Variants in SOX6 observed in about 807,000 individuals in gnomAD.
The protein encoded by SOX6 is SRY-box transcription factor 6.
In SOX6, 11 loss-of-function variants were observed where a neutral mutation model predicts 97.8. That is an observed-to-expected ratio of 0.11 (90% confidence interval 0.07 to 0.19). The LOEUF (loss-of-function observed/expected upper bound fraction) is 0.19. SOX6 is among the 10% of genes least tolerant of loss of function. The probability of loss-of-function intolerance (pLI) is 1.00; values close to 1 mark genes in which losing one functional copy is unlikely to be tolerated. For missense variants in SOX6, 810 were observed against 1,039.5 expected, an observed-to-expected ratio of 0.78 and a Z score of 3.04; for synonymous variants, 360 against 371.4, an observed-to-expected ratio of 0.97 and a Z score of 0.35.
intron 4 of SOX6, among the ~76,000 whole-genome samples, chr11:16,601,617 T>C (rs1012708104): frequency 3.3e-5 from 5 of 152,122 alleles, no homozygotes; most frequent in African/African-American, 1.2e-4. Context: ...ATATTAAAAG[T>C]AGGTGTTAAA....
intron 6 of SOX6, among the ~76,000 whole-genome samples, chr11:16,128,029 G>A (rs1372091283): frequency 6.6e-6 from 1 of 152,184 alleles, no homozygotes; most frequent in African/African-American, 2.4e-5. Flanking sequence ...GCTAGTTAAA[G>A]ATGTGGTGCT....
At chr11:16,189,906 G>A (rs1414782828) in intron 4 of SOX6, among the ~76,000 whole-genome samples, 1 of 152,022 alleles carries the variant, frequency 6.6e-6, no homozygotes, top group Non-Finnish European at 1.5e-5. Context: ...CAATACCAGA[G>A]TTGGATCTAG....
intron 13 of SOX6, among the ~76,000 whole-genome samples, chr11:15,999,137 C>T (rs547482575): frequency 6.6e-6 from 1 of 152,058 alleles, no homozygotes; most frequent in South Asian, 2.1e-4. Flanking sequence ...GGCCAATAAG[C>T]AGATGAAAAG....
At chr11:15,991,289 T>G (rs1854045671) in intron 13 of SOX6, among the ~76,000 whole-genome samples, 1 of 152,148 alleles carries the variant, frequency 6.6e-6, no homozygotes, top group Non-Finnish European at 1.5e-5. Context: ...TTTATATGGG[T>G]TTGACAGCCA....
chr11:16,539,479 C>T (rs1314244301), intron 4 of SOX6, among the ~76,000 whole-genome samples: 3 of 151,926 alleles, frequency 2.0e-5, no homozygotes, highest in Admixed American at 2.0e-4. Flanking sequence ...CGGAGCAGAA[C>T]TGAAGGAGAT....
chr11:16,624,690 C>T (rs74450456), intron 3 of SOX6, among the ~76,000 whole-genome samples: 1,706 of 152,272 alleles, frequency 0.011, 23 homozygotes, highest in African/African-American at 0.039. Context: ...TTTAACTTTA[C>T]AAGTTGCCAA....
chr11:16,368,701 G>T (rs1857424605), intron 1 of SOX6, among the ~76,000 whole-genome samples: 2 of 151,836 alleles, frequency 1.3e-5, no homozygotes, highest in Non-Finnish European at 2.9e-5. Context: ...TCTTAAATAT[G>T]ACACAAGCAA....
intron 3 of SOX6, among the ~76,000 whole-genome samples, chr11:16,246,740 A>AT (rs1286275250): frequency 1.3e-5 from 2 of 151,988 alleles, no homozygotes; most frequent in Non-Finnish European, 2.9e-5. Flanking sequence ...AAGGGATTAT[A>AT]TTTTTTAACA....
intron 6 of SOX6, among the ~76,000 whole-genome samples, chr11:16,180,597 A>G (rs1447846049): frequency 6.6e-6 from 1 of 151,778 alleles, no homozygotes; most frequent in Non-Finnish European, 1.5e-5. Context: ...GAATTTACAA[A>G]GCAAACATTC....
chr11:16,710,049 T>C (rs563221960), intron 3 of SOX6, among the ~76,000 whole-genome samples: 3 of 152,336 alleles, frequency 2.0e-5, no homozygotes, highest in South Asian at 2.1e-4. Flanking sequence ...TCAAATGCTA[T>C]ATTTTTCTGT....
In SOX6 at chr11:16,341,210, T is replaced by G; in HGVS notation, c.39A>C (p.Ala13=). ...GGGTCATTGCATCCTCTCCATCAGC[T>G]GCACAGGCAAATGGAGAGGTGGCTT... is the stretch of plus-strand genomic sequence containing the variant. ...SKQATSPFAC[A]ADGEDAMTQD... is the part of the protein sequence containing the mutation. Residue 13 remains alanine (A), a synonymous_variant, in exon 2 of 16, where the codon GCA becomes GCC. Transcript: ENST00000683767. 6.2e-7 allele frequency: 1 copy of G among 1,613,364 alleles called. No homozygotes were observed. The highest frequency in any genetic ancestry group is 8.5e-7 in the Non-Finnish European group (1 of 1,179,578).
At position 15,971,752 on chromosome 11, in the gene SOX6, G is replaced by C. The variant is rs1048812131; in HGVS notation, c.*1057C>G. 2 of 152,556 alleles carry C rather than the reference G, an allele frequency of 1.3e-5. No individual in the cohort carries two copies. Among genetic ancestry groups the C allele is most frequent in the Non-Finnish European group, 2.9e-5 (2 of 68,026 alleles). The allele number at this position is 152,556 out of a possible 1,614,324, so 9.5% of individuals were successfully genotyped here. ...GTACACAGGAGAAGGAGGTGAAAAG[G>C]ACGGAAAAGTTCTTCGGGGAAGGAA... On this transcript the variant is annotated 3_prime_UTR_variant, in exon 16 of 16. Coordinates refer to ENST00000683767, the MANE Select transcript of SOX6 (RefSeq NM_001367873.1).
chr11:16,337,549 T>G (rs192204204), intron 2 of SOX6, among the ~76,000 whole-genome samples: 10 of 152,262 alleles, frequency 6.6e-5, no homozygotes, highest in Non-Finnish European at 1.0e-4. Context: ...CACATTTTAG[T>G]GGACAGTGTC....
intron 4 of SOX6, among the ~76,000 whole-genome samples, chr11:16,514,124 G>C (rs993543949): frequency 1.3e-5 from 2 of 150,618 alleles, no homozygotes; most frequent in Non-Finnish European, 2.9e-5. Flanking sequence ...GCTGAGGTGA[G>C]AGAATCGCTT....
intron 1 of SOX6, among the ~76,000 whole-genome samples, chr11:16,406,291 T>A (rs1321989500): frequency 1.3e-5 from 2 of 152,076 alleles, no homozygotes; most frequent in Non-Finnish European, 2.9e-5. Flanking sequence ...TTATTTGAGG[T>A]TGTATCAACT....
At chr11:16,541,719 A>G (rs1018448640) in intron 4 of SOX6, among the ~76,000 whole-genome samples, 54 of 152,256 alleles carry the variant, frequency 3.5e-4, no homozygotes, top group African/African-American at 1.3e-3. Flanking sequence ...AAAAATGCTC[A>G]TCATCACTGG....
chr11:16,469,585 T>C (rs1198205484), intron 1 of SOX6, among the ~76,000 whole-genome samples: 1 of 152,160 alleles, frequency 6.6e-6, no homozygotes, highest in East Asian at 1.9e-4. Context: ...TCACTGTTTA[T>C]TCCATTAAGG....
chr11:16,414,732 T>G (rs1304619561), intron 1 of SOX6, among the ~76,000 whole-genome samples: 1 of 152,144 alleles, frequency 6.6e-6, no homozygotes, highest in East Asian at 1.9e-4. Flanking sequence ...TAGCTAGGCC[T>G]TGAAAGATGG....
chr11:16,480,122 C>A (rs1860319017), upstream of SOX6, among the ~76,000 whole-genome samples: 2 of 152,040 alleles, frequency 1.3e-5, no homozygotes, highest in East Asian at 3.9e-4. Context: ...ATATCAAATA[C>A]TTATGTGAAA....
Sources: gnomAD v4.1 joint callset for allele counts (sites outside exome capture counted in the v4.1 genomes callset) on GRCh38, gnomAD v4.1.1 for gene constraint, MANE v1.5 for transcripts, NCBI Gene and HGNC (gene_info 2026-07-23, HGNC 2026-07-21) for gene names.